The following TRIM37 variants were observed in gnomAD, a reference collection of about 807,000 sequenced individuals.
TRIM37 encodes tripartite motif containing 37, also known as E3 ubiquitin-protein ligase TRIM37.
TRIM37 carries 80 observed loss-of-function variants against 129.8 expected under a neutral mutation model. The ratio of observed to expected loss-of-function variants is 0.62; its 90% CI spans 0.51 to 0.74. The LOEUF is 0.74. Among genes scored for constraint, TRIM37 ranks in the 30% least tolerant of loss-of-function variants. The pLI, the probability that TRIM37 is intolerant of heterozygous loss-of-function variation, is 0.00. For synonymous variants in TRIM37, 389 were observed against 387.1 expected (o/e 1.00, Z -0.06); for missense variants, 1,054 against 1,176.5 (o/e 0.90, Z 1.52).
Position 58,999,102 on chromosome 17 carries a change from T to A in TRIM37, c.*275A>T, listed in dbSNP as rs1394788605. 1 of 1,257,718 alleles carries A rather than the reference T, an allele frequency of 8.0e-7. No homozygotes were observed. The allele number at this position is 1,257,718 out of a possible 1,614,324, so 77.9% of individuals were successfully genotyped here. A position where few individuals can be genotyped will look rare whatever the true frequency, so the allele number is the denominator to read the frequency against. ...CTTCTGCTGTAGTAGACAAACTGCC[T>A]TTTGTGAATGTACAAATTTGCTAAA... On this transcript the variant is annotated 3_prime_UTR_variant, in exon 24 of 24. Coordinates refer to ENST00000262294, the MANE Select transcript of TRIM37 (RefSeq NM_015294.6).
intron 24 of TRIM37, chr17:58,984,842 A>G (rs2031649115): frequency 1.3e-5 from 2 of 152,454 alleles, no homozygotes; most frequent in African/African-American, 4.8e-5. Context: ...AGACTGACAC[A>G]GCAGTTGTTT....
At chr17:59,053,467 C>T (rs1378054216) in intron 13 of TRIM37, among the ~76,000 whole-genome samples, 1 of 152,068 alleles carries the variant, frequency 6.6e-6, no homozygotes, top group East Asian at 1.9e-4. Flanking sequence ...TTTTTATCTG[C>T]CAATTTCATC....
chr17:58,970,888 T>C, the TRIM37 span, among the ~76,000 whole-genome samples: 2 of 152,090 alleles, frequency 1.3e-5, no homozygotes, highest in Non-Finnish European at 2.9e-5. Flanking sequence ...TAATCATCAA[T>C]GTGAAACAAA....
At chr17:59,081,043 T>G (rs1481669417) in intron 6 of TRIM37, 54 bp downstream of exon 6, 2 of 933,202 alleles carry the variant, frequency 2.1e-6, no homozygotes, top group South Asian at 3.2e-5. Context: ...ATAAATATAT[T>G]ATTATATATT....
intron 2 of TRIM37, among the ~76,000 whole-genome samples, chr17:59,093,509 T>C (rs772288093): frequency 2.0e-5 from 3 of 152,228 alleles, no homozygotes; most frequent in Non-Finnish European, 4.4e-5. Context: ...TCCCTGACAC[T>C]CTGCAGACTA....
intron 8 of TRIM37, among the ~76,000 whole-genome samples, chr17:59,071,196 A>G (rs1429967968): frequency 6.6e-6 from 1 of 151,326 alleles, no homozygotes; most frequent in Non-Finnish European, 1.5e-5. Flanking sequence ...AGGATAAATG[A>G]GGTTTTAAGC....
intron 14 of TRIM37, among the ~76,000 whole-genome samples, chr17:59,050,051 T>A (rs981015122): frequency 6.6e-6 from 1 of 152,152 alleles, no homozygotes; most frequent in African/African-American, 2.4e-5. Context: ...ACTCCAAACC[T>A]CCTGCCACAC....
chr17:58,990,880 A>T (rs2032322978), intron 24 of TRIM37, among the ~76,000 whole-genome samples: 1 of 151,364 alleles, frequency 6.6e-6, no homozygotes, highest in African/African-American at 2.4e-5. Context: ...CACCTAAGAA[A>T]AAGAAGTTTC....
chr17:58,988,883 T>C (rs983247759), intron 24 of TRIM37, among the ~76,000 whole-genome samples: 3 of 152,326 alleles, frequency 2.0e-5, no homozygotes, highest in Admixed American at 1.3e-4. Flanking sequence ...TAGATTGGCA[T>C]AAAAGTAATT....
At chr17:59,056,230 T>TG (rs750069729) in intron 13 of TRIM37, among the ~76,000 whole-genome samples, 20 of 151,418 alleles carry the variant, frequency 1.3e-4, no homozygotes, top group East Asian at 3.9e-4. Context: ...TTTAAAAAGA[T>TG]GGGGGGTCTC....
intron 17 of TRIM37, among the ~76,000 whole-genome samples, chr17:59,035,600 A>C (rs2038375675): frequency 6.6e-6 from 1 of 151,842 alleles, no homozygotes. Flanking sequence ...AAATACAAAA[A>C]TTAGCTGGCC....
chr17:59,030,542 T>G (rs2145578356), intron 18 of TRIM37, among the ~76,000 whole-genome samples: 1 of 152,342 alleles, frequency 6.6e-6, no homozygotes, highest in South Asian at 2.1e-4. Flanking sequence ...TGCCAGCATT[T>G]TATCACCTAA....
At chr17:59,096,941 G>C (rs928878855) in intron 2 of TRIM37, among the ~76,000 whole-genome samples, 1 of 151,866 alleles carries the variant, frequency 6.6e-6, no homozygotes, top group Non-Finnish European at 1.5e-5. Context: ...TGGCCAAGTG[G>C]GATTTATTCC....
downstream of TRIM37, chr17:58,998,173 G>A (rs2032497156): frequency 1.0e-6 from 1 of 978,352 alleles, no homozygotes. Context: ...GGGGTTTCTG[G>A]TCCCAATTTA....
intron 8 of TRIM37, 151 bp downstream of exon 8, chr17:59,075,496 G>A (rs975074712): frequency 4.3e-5 from 25 of 578,410 alleles, no homozygotes; most frequent in South Asian, 6.1e-5. Context: ...CCCAGGAGGC[G>A]GAGTTTACAG....
chr17:59,063,615 C>T (rs2041686270), intron 10 of TRIM37, among the ~76,000 whole-genome samples: 1 of 152,214 alleles, frequency 6.6e-6, no homozygotes, highest in Admixed American at 6.5e-5. Context: ...ATCTTCACTT[C>T]TGATCTTAAG....
At chr17:59,039,876 T>C (rs961636519) in intron 17 of TRIM37, among the ~76,000 whole-genome samples, 1 of 152,088 alleles carries the variant, frequency 6.6e-6, no homozygotes, top group Non-Finnish European at 1.5e-5. Context: ...AGAAATAACA[T>C]GATTAGATAT....
chr17:59,066,805 T>C (rs2041953917), intron 9 of TRIM37, among the ~76,000 whole-genome samples: 1 of 152,172 alleles, frequency 6.6e-6, no homozygotes, highest in South Asian at 2.1e-4. Flanking sequence ...CCACATTAAT[T>C]TTATTACTGT....
At chr17:59,101,501 G>T (rs1486389870) in intron 2 of TRIM37, among the ~76,000 whole-genome samples, 1 of 151,370 alleles carries the variant, frequency 6.6e-6, no homozygotes, top group Non-Finnish European at 1.5e-5. Context: ...GAAACAGGGA[G>T]ATAATAACTA....
Sources: gnomAD v4.1 joint callset for allele counts (sites outside exome capture counted in the v4.1 genomes callset) on GRCh38, gnomAD v4.1.1 for gene constraint, MANE v1.5 for transcripts, NCBI Gene and HGNC (gene_info 2026-07-23, HGNC 2026-07-21) for gene names.